ADGRB3: variants seen among roughly 807,000 people sequenced by gnomAD.
ADGRB3 encodes adhesion G protein-coupled receptor B3.
A neutral mutation model predicts 193.4 loss-of-function variants in ADGRB3; 37 were observed. That is an observed-to-expected ratio of 0.19 (90% CI 0.15 to 0.25). The LOEUF (loss-of-function observed/expected upper bound fraction) is 0.25, where lower values mean the gene tolerates loss of function less well. Ranked by LOEUF, ADGRB3 falls within the 10% of genes least tolerant of loss-of-function variation. The pLI is 1.00. For missense variants in ADGRB3, 1,637 were observed against 1,852.9 expected, an observed-to-expected ratio of 0.88 and a Z score of 2.14; for synonymous variants, 690 against 644.2, an observed-to-expected ratio of 1.07 and a Z score of -1.08.
At chr6:68,678,570 T>G (rs887757980) in intron 3 of ADGRB3, among the ~76,000 whole-genome samples, 6 of 152,172 alleles carry the variant, frequency 3.9e-5, no homozygotes, top group African/African-American at 1.4e-4. Flanking sequence ...ATAGCTGACT[T>G]CATTCAGAAT....
At chr6:68,690,273 T>G (rs1765050185) in intron 3 of ADGRB3, among the ~76,000 whole-genome samples, 1 of 152,152 alleles carries the variant, frequency 6.6e-6, no homozygotes, top group African/African-American at 2.4e-5. Flanking sequence ...CTAATGTGTG[T>G]GCAGGAAGTT....
intron 17 of ADGRB3, among the ~76,000 whole-genome samples, chr6:69,151,012 A>G (rs1186287295): frequency 3.3e-5 from 5 of 152,184 alleles, no homozygotes; most frequent in Non-Finnish European, 7.3e-5. Context: ...CTTTCTTCTC[A>G]TCTTCTGAAG....
chr6:68,954,725 G>T (rs953266129), intron 6 of ADGRB3, among the ~76,000 whole-genome samples: 5 of 150,514 alleles, frequency 3.3e-5, no homozygotes, highest in Admixed American at 6.6e-5. Context: ...TGTCCCCCAG[G>T]CTGGAGTGCA....
intron 26 of ADGRB3, among the ~76,000 whole-genome samples, chr6:69,342,175 G>A (rs1768987986): frequency 6.6e-6 from 1 of 151,950 alleles, no homozygotes; most frequent in Non-Finnish European, 1.5e-5. Flanking sequence ...TGCTAAAGTA[G>A]GTGTCTCTAA....
intron 3 of ADGRB3, among the ~76,000 whole-genome samples, chr6:68,723,278 A>G (rs1765615542): frequency 6.6e-6 from 1 of 151,648 alleles, no homozygotes; most frequent in Non-Finnish European, 1.5e-5. Flanking sequence ...TATTTTTCTC[A>G]GGTCAGGTGG....
intron 5 of ADGRB3, among the ~76,000 whole-genome samples, chr6:68,939,608 T>A (rs1767581478): frequency 6.6e-6 from 1 of 152,196 alleles, no homozygotes; most frequent in African/African-American, 2.4e-5. Flanking sequence ...AGTGCCCCAC[T>A]ATAAGAATTG....
intron 17 of ADGRB3, among the ~76,000 whole-genome samples, chr6:69,149,432 C>G (rs560128271): frequency 2.6e-5 from 4 of 151,986 alleles, no homozygotes; most frequent in African/African-American, 9.7e-5. Flanking sequence ...CTATCATGAT[C>G]CTGAACTCCT....
intron 6 of ADGRB3, among the ~76,000 whole-genome samples, chr6:68,952,430 C>T (rs137965427): frequency 1.6e-4 from 25 of 151,852 alleles, no homozygotes; most frequent in African/African-American, 6.0e-4. Context: ...TTTATATATT[C>T]ATCTCCTACC....
chr6:69,388,904 G>A lies in ADGRB3; in HGVS notation c.*13G>A, dbSNP rs752029269. ...AACAGAAGTTTAAAAAAATCAAAAT[G>A]GACTAAGGTAGAGACAAAACTTTAT... is the stretch of plus-strand genomic sequence containing the variant. On this transcript the variant is annotated 3_prime_UTR_variant, in exon 32 of 32. Transcript: ENST00000370598. The A allele has an allele frequency of 1.8e-5, 29 of 1,606,518 alleles. 1 individual carries two copies. The South Asian group carries it at 3.2e-4, about 18-fold the overall frequency.
intron 26 of ADGRB3, among the ~76,000 whole-genome samples, 181 bp downstream of exon 26, chr6:69,339,685 T>A (rs2127319387): frequency 6.6e-6 from 1 of 152,268 alleles, no homozygotes; most frequent in South Asian, 2.1e-4. Flanking sequence ...CCCAGCACTC[T>A]GAAAGTGACA....
intron 29 of ADGRB3, among the ~76,000 whole-genome samples, chr6:69,364,754 A>G (rs1289063240): frequency 6.6e-6 from 1 of 152,126 alleles, no homozygotes; most frequent in Non-Finnish European, 1.5e-5. Context: ...GGTTAAGAAG[A>G]ATGATATTGT....
rs553842789 is a variant in ADGRB3 at position 69,009,217 on chromosome 6, C to T, written c.1930-4821C>T. On this transcript the variant is annotated intron_variant, in intron 11 of 31. Transcript: ENST00000370598. The stretch of plus-strand genomic sequence containing the variant: ...AAAAAACCCTAAACCAATCATCATA[C>T]AAATAAACCATAACCTTAAAATCCT... Among the ~76,000 whole-genome samples, 14 of 152,074 alleles carry T rather than the reference C, an allele frequency of 9.2e-5. No individual in the cohort carries two copies. In the South Asian group the frequency reaches 1.0e-3, roughly 11 times the overall value.
intron 20 of ADGRB3, among the ~76,000 whole-genome samples, chr6:69,307,052 G>A (rs919775271): frequency 1.3e-5 from 2 of 151,226 alleles, no homozygotes; most frequent in Middle Eastern, 3.4e-3. Flanking sequence ...CGTTATAGTA[G>A]CTTCATTTAT....
chr6:68,865,961 C>T (rs1030052800), intron 3 of ADGRB3, among the ~76,000 whole-genome samples: 3 of 152,166 alleles, frequency 2.0e-5, no homozygotes, highest in African/African-American at 7.2e-5. Flanking sequence ...TACACTACCT[C>T]TGTTTTTCAC....
At chr6:69,130,927 C>T (rs555330108) in intron 17 of ADGRB3, among the ~76,000 whole-genome samples, 11 of 152,082 alleles carry the variant, frequency 7.2e-5, no homozygotes, top group African/African-American at 1.9e-4. Context: ...ATTTGATGTT[C>T]GCTATTCAAA....
intron 3 of ADGRB3, among the ~76,000 whole-genome samples, chr6:68,860,750 G>A (rs772060211): frequency 4.3e-4 from 65 of 152,064 alleles, no homozygotes; most frequent in Admixed American, 1.0e-3. Context: ...TTTTCCTGTG[G>A]GGAGATACCC....
intron 24 of ADGRB3, among the ~76,000 whole-genome samples, chr6:69,334,979 G>A (rs2127316581): frequency 6.6e-6 from 1 of 152,154 alleles, no homozygotes; most frequent in East Asian, 1.9e-4. Context: ...CTCAACAGTG[G>A]CTGCTCTTCT....
intron 11 of ADGRB3, among the ~76,000 whole-genome samples, chr6:69,006,295 C>G (rs1769747437): frequency 6.6e-6 from 1 of 151,646 alleles, no homozygotes; most frequent in Non-Finnish European, 1.5e-5. Flanking sequence ...ATCATGCATG[C>G]AAATGTTATC....
chr6:68,679,144 A>C (rs1355018399), intron 3 of ADGRB3, among the ~76,000 whole-genome samples: 1 of 152,218 alleles, frequency 6.6e-6, no homozygotes, highest in Non-Finnish European at 1.5e-5. Flanking sequence ...TTTGTTAGAT[A>C]TAAAAATATT....
Sources: allele counts gnomAD v4.1 joint callset (sites outside exome capture counted in the v4.1 genomes callset), GRCh38; gene constraint gnomAD v4.1.1; transcripts MANE v1.5; gene names NCBI Gene and HGNC (gene_info 2026-07-23, HGNC 2026-07-21).